Variants in EPHA6 observed in about 807,000 individuals in gnomAD.
The protein encoded by EPHA6 is EPH receptor A6.
In EPHA6, 50 loss-of-function variants were observed where a neutral mutation model predicts 112.0. The observed-to-expected ratio is 0.45, with a 90% CI of 0.36 to 0.56. The LOEUF (loss-of-function observed/expected upper bound fraction) is 0.56. Among genes scored for constraint, EPHA6 ranks in the 20% least tolerant of loss-of-function variants. The pLI, the probability that EPHA6 is intolerant of heterozygous loss-of-function variation, is 0.00. For synonymous variants in EPHA6, 529 were observed against 490.7 expected (o/e 1.08, Z -1.03); for missense variants, 1,280 against 1,417.4 (o/e 0.90, Z 1.56).
In EPHA6 at chr3:97,376,867, T is replaced by A. The variant is rs1382193922; in HGVS notation, c.1607-28283T>A. 2.0e-5 allele frequency among the ~76,000 whole-genome samples: 3 copies of A among 152,210 alleles called. No individual in the cohort carries two copies. The East Asian group carries it at 5.8e-4, about 29-fold the overall frequency. ...TGATGCAGATTCCACATTTTCAGAC[T>A]GCCAAATACACAGGTCATGGGAATA... On this transcript the variant is annotated intron_variant, in intron 5 of 17. Coordinates refer to ENST00000389672, the MANE Select transcript of EPHA6 (RefSeq NM_001080448.3).
At chr3:96,904,703 G>A (rs2038832249) in intron 2 of EPHA6, among the ~76,000 whole-genome samples, 1 of 151,860 alleles carries the variant, frequency 6.6e-6, no homozygotes. Context: ...TTTGATGTAG[G>A]TAGTCTATGG....
rs191462144 is a variant in EPHA6 at position 97,065,061 on chromosome 3, A to G, written c.1114+77068A>G. Among the ~76,000 whole-genome samples, 31 of 152,276 alleles carry G rather than the reference A, an allele frequency of 2.0e-4. 1 individual carries two copies. The highest frequency in any genetic ancestry group is 7.0e-4 in the African/African-American group (29 of 41,572). ...TGCCGATAGAAAATATATATCTGCT[A>G]TGAAAATTAATACCTTAAGCTGTGA... On this transcript the variant is annotated intron_variant, in intron 3 of 17. Transcript: ENST00000389672.
rs58970343 is a variant in EPHA6, at chr3:97,370,440, C to T, written c.1607-34710C>T. Among the ~76,000 whole-genome samples the T allele has an allele frequency of 3.0e-3, 459 of 152,170 alleles. 1 individual carries two copies. Among genetic ancestry groups the T allele is most frequent in the African/African-American group, 9.7e-3 (401 of 41,532 alleles). On this transcript the variant is annotated intron_variant, in intron 5 of 17. Transcript: ENST00000389672. ...TACTTTTTTCCCCACCTATAAATAG[C>T]ACTACTATATTATGGAGATATCCAG...
chr3:97,287,563 T>C (rs1258008234), intron 5 of EPHA6, among the ~76,000 whole-genome samples: 1 of 152,130 alleles, frequency 6.6e-6, no homozygotes, highest in African/African-American at 2.4e-5. Context: ...CTTTATTATG[T>C]TGAGGTATGT....
At chr3:97,578,247 G>T (rs140777925) in intron 11 of EPHA6, among the ~76,000 whole-genome samples, 2 of 152,146 alleles carry the variant, frequency 1.3e-5, no homozygotes, top group East Asian at 3.9e-4. Context: ...TCAACAGCTA[G>T]TAGGATAGCT....
chr3:97,171,920 T>C (rs1255157370), intron 3 of EPHA6, among the ~76,000 whole-genome samples: 1 of 152,078 alleles, frequency 6.6e-6, no homozygotes, highest in Non-Finnish European at 1.5e-5. Context: ...ACAATAAGGC[T>C]ATACTATCAA....
At chr3:96,827,519 A>C (rs952068186) in intron 1 of EPHA6, among the ~76,000 whole-genome samples, 7 of 152,104 alleles carry the variant, frequency 4.6e-5, no homozygotes, top group African/African-American at 1.7e-4. Context: ...GGATGTTATG[A>C]TGGCAAGTAT....
At chr3:96,869,389 AC>A (rs1224868283) in intron 2 of EPHA6, among the ~76,000 whole-genome samples, 4 of 151,288 alleles carry the variant, frequency 2.6e-5, no homozygotes, top group African/African-American at 9.7e-5. Context: ...AAAAAAAAAA[AC>A]GTGAAGGAAT....
At chr3:97,427,463 C>G (rs947890861) in intron 6 of EPHA6, among the ~76,000 whole-genome samples, 2 of 152,158 alleles carry the variant, frequency 1.3e-5, no homozygotes, top group Non-Finnish European at 2.9e-5. Flanking sequence ...ATTGCATGTT[C>G]TCACTTATAA....
chr3:96,926,974 A>G (rs1236983850), intron 2 of EPHA6, among the ~76,000 whole-genome samples: 2 of 152,198 alleles, frequency 1.3e-5, no homozygotes, highest in East Asian at 3.9e-4. Context: ...TTCCTACTGT[A>G]CTACCCTAGC....
At chr3:97,289,251 T>G (rs866007232) in intron 5 of EPHA6, among the ~76,000 whole-genome samples, 2 of 152,152 alleles carry the variant, frequency 1.3e-5, no homozygotes, top group Non-Finnish European at 2.9e-5. Context: ...TTAAGTTAAT[T>G]TTTGTATAAG....
At chr3:97,548,103 A>T (rs1184404802) in intron 11 of EPHA6, among the ~76,000 whole-genome samples, 1 of 152,132 alleles carries the variant, frequency 6.6e-6, no homozygotes, top group Non-Finnish European at 1.5e-5. Context: ...CTCCCCAGTG[A>T]GATGAACCCG....
chr3:96,975,090 T>C (rs2042469265), intron 2 of EPHA6, among the ~76,000 whole-genome samples: 2 of 151,890 alleles, frequency 1.3e-5, no homozygotes, highest in South Asian at 4.2e-4. Context: ...AGCAAACACT[T>C]TGGTGTTTGC....
chr3:97,073,570 T>C (rs2046423668), intron 3 of EPHA6, among the ~76,000 whole-genome samples: 1 of 152,136 alleles, frequency 6.6e-6, no homozygotes, highest in Non-Finnish European at 1.5e-5. Context: ...CAATCAGTTA[T>C]TTAAAACTAA....
chr3:97,610,958 C>G (rs2093714932), intron 13 of EPHA6, 104 bp downstream of exon 13: 1 of 956,504 alleles, frequency 1.0e-6, no homozygotes, highest in African/African-American at 1.7e-5. Flanking sequence ...CATGGATTTT[C>G]TGTGAAGAAT....
chr3:97,603,340 A>T (rs139347741), intron 12 of EPHA6, among the ~76,000 whole-genome samples: 21 of 152,060 alleles, frequency 1.4e-4, no homozygotes, highest in Non-Finnish European at 1.2e-4. Flanking sequence ...TTGTTTCTCT[A>T]GCCTCACACC....
intron 3 of EPHA6, among the ~76,000 whole-genome samples, chr3:97,094,360 T>A (rs1455978205): frequency 6.6e-6 from 1 of 152,138 alleles, no homozygotes; most frequent in African/African-American, 2.4e-5. Flanking sequence ...AATATTCTGG[T>A]CACGATATCA....
intron 2 of EPHA6, among the ~76,000 whole-genome samples, chr3:96,913,450 A>G (rs1287073166): frequency 1.3e-5 from 2 of 152,104 alleles, no homozygotes; most frequent in African/African-American, 4.8e-5. Flanking sequence ...GTGGCTGCAA[A>G]TGCTGCTTCA....
chr3:97,080,781 A>G (rs1375356702), intron 3 of EPHA6, among the ~76,000 whole-genome samples: 1 of 152,034 alleles, frequency 6.6e-6, no homozygotes, highest in Non-Finnish European at 1.5e-5. Context: ...AATAAAGATA[A>G]CATACATATT....
Sources: allele counts gnomAD v4.1 joint callset (sites outside exome capture counted in the v4.1 genomes callset), GRCh38; gene constraint gnomAD v4.1.1; transcripts MANE v1.5; gene names NCBI Gene and HGNC (gene_info 2026-07-23, HGNC 2026-07-21).